The following TM4SF20 variants were observed in gnomAD, a reference collection of about 807,000 sequenced individuals.
The protein encoded by TM4SF20 is transmembrane 4 L6 family member 20.
In TM4SF20, 13 loss-of-function variants were observed where a neutral mutation model predicts 15.1. That is an observed-to-expected ratio of 0.86 (90% CI 0.56 to 1.36). TM4SF20 has a LOEUF of 1.36. Ranked by LOEUF, TM4SF20 falls within the 40% of genes most tolerant of loss-of-function variation. The pLI is 0.00. For missense variants in TM4SF20, 282 were observed against 268.4 expected (o/e 1.05, Z -0.35); for synonymous variants, 92 against 96.6 (o/e 0.95, Z 0.28).
At position 227,362,574 on chromosome 2, in the gene TM4SF20, TTGCAGTCAAAA is replaced by T. The variant is rs1260035080; in HGVS notation, c.*1139_*1149del. ...TCCATACCTGACCTCATGTGATGAGTTGCAGTCAAAATGCAGTCAAAATTGTGTTTCATGCA... is the reference window on the plus strand; with the variant it reads ...TCCATACCTGACCTCATGTGATGAGTTGCAGTCAAAATTGTGTTTCATGCA... On this transcript the variant is annotated 3_prime_UTR_variant, in exon 4 of 4. Transcript: ENST00000304568. 4 of 152,186 alleles carry T rather than the reference TTGCAGTCAAAA, an allele frequency of 2.6e-5. No individual in the cohort carries two copies. Among genetic ancestry groups the T allele is most frequent in the Non-Finnish European group, 5.9e-5 (4 of 68,030 alleles). 9.4% of individuals were successfully genotyped at this position (152,186 alleles called of 1,614,324 possible).
upstream of TM4SF20, chr2:227,379,404 G>T (rs561546608): frequency 7.7e-6 from 5 of 647,012 alleles, no homozygotes; most frequent in South Asian, 2.6e-5. Flanking sequence ...AGTCCAATAG[G>T]GTAGGACATT....
chr2:227,364,506 T>C (rs2076381308), intron 3 of TM4SF20, among the ~76,000 whole-genome samples: 1 of 152,082 alleles, frequency 6.6e-6, no homozygotes, highest in South Asian at 2.1e-4. Flanking sequence ...GATGTGCCTG[T>C]TCTTAACGGG....
At chr2:227,374,656 A>G (rs1043238308) in intron 1 of TM4SF20, among the ~76,000 whole-genome samples, 1 of 152,176 alleles carries the variant, frequency 6.6e-6, no homozygotes, top group African/African-American at 2.4e-5. Context: ...TAGTTTGAGA[A>G]GTTACATGAT....
At chr2:227,367,458 G>C (rs1408240230) in intron 2 of TM4SF20, among the ~76,000 whole-genome samples, 4 of 152,050 alleles carry the variant, frequency 2.6e-5, no homozygotes, top group Non-Finnish European at 4.4e-5. Context: ...TAGATTGCTT[G>C]AGCCCAGGAG....
chr2:227,369,427 C>CTTTTTTTT (rs57148409), intron 2 of TM4SF20, among the ~76,000 whole-genome samples: 1 of 125,326 alleles, frequency 8.0e-6, no homozygotes. Context: ...CCCCATCTGT[C>CTTTTTTTT]TTTTTTTTTT....
intron 1 of TM4SF20, among the ~76,000 whole-genome samples, chr2:227,378,013 G>T (rs537956818): frequency 1.3e-5 from 2 of 151,288 alleles, no homozygotes; most frequent in South Asian, 2.1e-4. Flanking sequence ...AGTCACCTCC[G>T]TGTTTTATTA....
upstream of TM4SF20, among the ~76,000 whole-genome samples, chr2:227,380,013 T>C (rs1009221176): frequency 2.0e-5 from 3 of 152,226 alleles, no homozygotes; most frequent in Non-Finnish European, 4.4e-5. Context: ...GAAAAGACTA[T>C]CAGTTGGCAT....
intron 3 of TM4SF20, among the ~76,000 whole-genome samples, chr2:227,365,238 ATGC>A (rs1357019345): frequency 6.6e-6 from 1 of 152,238 alleles, no homozygotes; most frequent in Non-Finnish European, 1.5e-5. Flanking sequence ...CAAAACAAAT[ATGC>A]TACACAAAAT....
At chr2:227,371,461 C>T (rs2076420957) in intron 1 of TM4SF20, among the ~76,000 whole-genome samples, 1 of 152,194 alleles carries the variant, frequency 6.6e-6, no homozygotes, top group East Asian at 1.9e-4. Flanking sequence ...CTGCCTTAGC[C>T]TCCTGAGTAG....
At chr2:227,381,593 G>A (rs1324379547), upstream of TM4SF20, 1 of 152,064 alleles carries the variant, frequency 6.6e-6, no homozygotes, top group South Asian at 2.1e-4. Flanking sequence ...ACTTACCTTA[G>A]AATGTGGGTT....
Position 227,363,854 on chromosome 2 carries a change from A to G in TM4SF20, c.560T>C (p.Ile187Thr). Residue 187 changes from isoleucine (I) to threonine (T), a missense_variant, in exon 4 of 4, where the codon ATC becomes ACC. Ile to Thr is a moderately conservative substitution (Grantham distance 89). Transcript: ENST00000304568. ...TAGACCTAAAAATACTGAGAAGTGG[A>G]TAAGCCTATGTTTGTTTTCTTCAGA... ...FDSEENKHRL[I>T]HFSVFLGLLL... 6 of 1,614,194 alleles carry G rather than the reference A, an allele frequency of 3.7e-6. No individual in the cohort carries two copies. The highest frequency in any genetic ancestry group is 5.1e-6 in the Non-Finnish European group (6 of 1,180,034).
intron 1 of TM4SF20, among the ~76,000 whole-genome samples, chr2:227,377,054 C>G (rs2076454660): frequency 6.6e-6 from 1 of 152,210 alleles, no homozygotes; most frequent in Admixed American, 6.5e-5. Flanking sequence ...CCGCCACCAT[C>G]CTAAAATGAA....
At chr2:227,364,245 G>T (rs1407781316) in intron 3 of TM4SF20, among the ~76,000 whole-genome samples, 1 of 152,106 alleles carries the variant, frequency 6.6e-6, no homozygotes, top group African/African-American at 2.4e-5. Context: ...TCTTCTCTTA[G>T]GTTGAACGGT....
chr2:227,369,795 T>C (rs1228475996), intron 2 of TM4SF20, among the ~76,000 whole-genome samples: 1 of 152,174 alleles, frequency 6.6e-6, no homozygotes, highest in Admixed American at 6.5e-5. Flanking sequence ...CTGCTTGCTG[T>C]CAATCTACCC....
chr2:227,368,461 C>T (rs947939316), intron 2 of TM4SF20, among the ~76,000 whole-genome samples: 9 of 151,576 alleles, frequency 5.9e-5, no homozygotes, highest in South Asian at 4.2e-4. Flanking sequence ...AGAAATTCTC[C>T]TGCCTCAGCC....
intron 1 of TM4SF20, among the ~76,000 whole-genome samples, chr2:227,373,585 T>C (rs1486375895): frequency 6.6e-6 from 1 of 152,294 alleles, no homozygotes; most frequent in African/African-American, 2.4e-5. Flanking sequence ...GTCACATCCA[T>C]GTATTTACAT....
intron 3 of TM4SF20, among the ~76,000 whole-genome samples, chr2:227,364,383 A>AACCC (rs2076380233): frequency 7.0e-6 from 1 of 143,446 alleles, no homozygotes; most frequent in African/African-American, 2.8e-5. Context: ...AGCCTCCCCT[A>AACCC]CCCCCCGCCA....
upstream of TM4SF20, among the ~76,000 whole-genome samples, chr2:227,379,703 T>A (rs1163400469): frequency 1.3e-5 from 2 of 152,238 alleles, no homozygotes; most frequent in Non-Finnish European, 2.9e-5. Flanking sequence ...GAGAAAGGTA[T>A]TTCCTCTGCT....
intron 2 of TM4SF20, among the ~76,000 whole-genome samples, chr2:227,368,017 C>CTTTTTTTTT (rs748891185): frequency 8.6e-6 from 1 of 116,696 alleles, no homozygotes; most frequent in Non-Finnish European, 1.8e-5. Context: ...TTTTAACCAT[C>CTTTTTTTTT]TATTTTTTTT....
Sources: allele counts gnomAD v4.1 joint callset (sites outside exome capture counted in the v4.1 genomes callset), GRCh38; gene constraint gnomAD v4.1.1; transcripts MANE v1.5; gene names NCBI Gene and HGNC (gene_info 2026-07-23, HGNC 2026-07-21).